ZFHX3: variants seen among roughly 807,000 people sequenced by gnomAD.
The protein encoded by ZFHX3 is zinc finger homeobox 3.
A neutral mutation model predicts 279.1 loss-of-function variants in ZFHX3; 42 were observed. The ratio of observed to expected loss-of-function variants is 0.15; its 90% CI spans 0.12 to 0.19. The LOEUF is 0.19. ZFHX3 is among the 10% of genes least tolerant of loss of function. ZFHX3 has a pLI of 1.00. For synonymous variants in ZFHX3, 2,293 were observed against 1,957.8 expected (o/e 1.17, Z -4.52); for missense variants, 4,981 against 4,754.0 (o/e 1.05, Z -1.40).
At chr16:73,484,159 C>A (rs969792151) in intron 2 of ZFHX3, among the ~76,000 whole-genome samples, 1 of 151,946 alleles carries the variant, frequency 6.6e-6, no homozygotes, top group Non-Finnish European at 1.5e-5. Flanking sequence ...CGCCCAGAGT[C>A]CTAGGTGAAG....
intron 3 of ZFHX3, among the ~76,000 whole-genome samples, chr16:73,352,451 T>G (rs1812269792): frequency 1.3e-5 from 2 of 150,366 alleles, no homozygotes; most frequent in African/African-American, 2.5e-5. Context: ...TGTCAAGCCT[T>G]TGGTTTCTCT....
At chr16:73,360,855 G>A (rs972587455) in intron 3 of ZFHX3, among the ~76,000 whole-genome samples, 2 of 152,116 alleles carry the variant, frequency 1.3e-5, no homozygotes, top group African/African-American at 4.8e-5. Flanking sequence ...TTGTGATTCT[G>A]GAGGGCCTCA....
At chr16:72,951,253 TA>T (rs1960983654) in intron 2 of ZFHX3, among the ~76,000 whole-genome samples, 1 of 152,140 alleles carries the variant, frequency 6.6e-6, no homozygotes, top group African/African-American at 2.4e-5. Context: ...GCCTCTTTAA[TA>T]TTTCCTTTTC....
intron 1 of ZFHX3, among the ~76,000 whole-genome samples, chr16:73,043,325 G>C (rs956772915): frequency 2.0e-5 from 3 of 152,158 alleles, no homozygotes; most frequent in African/African-American, 7.2e-5. Flanking sequence ...CACCCAAAAG[G>C]CAGATGAAGC....
At chr16:73,330,165 G>T (rs2015772824) in intron 3 of ZFHX3, among the ~76,000 whole-genome samples, 1 of 152,190 alleles carries the variant, frequency 6.6e-6, no homozygotes, top group Non-Finnish European at 1.5e-5. Flanking sequence ...CAGGATGGGG[G>T]AAGAGAGGAG....
intron 5 of ZFHX3, among the ~76,000 whole-genome samples, chr16:73,236,788 C>T (rs1367105291): frequency 6.6e-6 from 1 of 152,112 alleles, no homozygotes; most frequent in Non-Finnish European, 1.5e-5. Flanking sequence ...GTTCTTCTTA[C>T]CCATCCACAG....
In ZFHX3 at chr16:73,817,140, G is replaced by T. The variant is rs561496874; in HGVS notation, c.-1608+74511C>A. On this transcript the variant is annotated intron_variant, in intron 1 of 17. Transcript: ENST00000641206. Reference sequence around the variant, plus strand: ...GGCTTCCACCCTGGGTGACCACACAGCTGACCACTTCACATGCAGCCACGT... The same window carrying T: ...GGCTTCCACCCTGGGTGACCACACATCTGACCACTTCACATGCAGCCACGT... Among the ~76,000 whole-genome samples, 6 of 152,298 alleles carry T rather than the reference G, an allele frequency of 3.9e-5. No individual in the cohort carries two copies. The South Asian group carries it at 1.0e-3, about 26-fold the overall frequency.
intron 3 of ZFHX3, among the ~76,000 whole-genome samples, chr16:72,895,943 A>G (rs1597356069): frequency 6.6e-6 from 1 of 152,258 alleles, no homozygotes; most frequent in African/African-American, 2.4e-5. Context: ...AGACTGGATC[A>G]TAAGAACTGC....
At chr16:73,380,800 T>A (rs987274690) in intron 3 of ZFHX3, among the ~76,000 whole-genome samples, 3 of 152,112 alleles carry the variant, frequency 2.0e-5, no homozygotes, top group Non-Finnish European at 2.9e-5. Context: ...AGCCCAGGAG[T>A]TTGAGACCAG....
intron 3 of ZFHX3, among the ~76,000 whole-genome samples, chr16:72,894,148 CAAA>C (rs11340955): frequency 1.8e-4 from 22 of 124,790 alleles, no homozygotes; most frequent in South Asian, 5.3e-4. Flanking sequence ...AACTCTGTCT[CAAA>C]AAAAAAAAAA....
At chr16:73,666,527 C>T (rs2052844119) in intron 2 of ZFHX3, among the ~76,000 whole-genome samples, 1 of 151,764 alleles carries the variant, frequency 6.6e-6, no homozygotes. Flanking sequence ...CCATATGAAG[C>T]CTTGAAGTTT....
intron 7 of ZFHX3, among the ~76,000 whole-genome samples, chr16:72,810,427 C>G (rs2036410398): frequency 1.3e-5 from 2 of 152,202 alleles, no homozygotes; most frequent in South Asian, 4.1e-4. Context: ...CTCAGGTGTT[C>G]CACCTGCCTT....
intron 2 of ZFHX3, among the ~76,000 whole-genome samples, chr16:73,600,264 G>A (rs1475983295): frequency 6.6e-6 from 1 of 152,110 alleles, no homozygotes; most frequent in Non-Finnish European, 1.5e-5. Context: ...TCCCTGGGAA[G>A]AAATCATGAG....
intron 2 of ZFHX3, among the ~76,000 whole-genome samples, chr16:73,602,943 A>AG: frequency 6.6e-6 from 1 of 150,868 alleles, no homozygotes; most frequent in East Asian, 2.0e-4. Flanking sequence ...GACTCAAAAA[A>AG]AAAAAAAATC....
At position 72,796,158 on chromosome 16, in the gene ZFHX3, A is replaced by G; in HGVS notation, c.6524T>C (p.Ile2175Thr). The G allele has an allele frequency of 6.2e-7, 1 of 1,613,994 alleles. No homozygotes were observed. Among genetic ancestry groups the G allele is most frequent in the Non-Finnish European group, 8.5e-7 (1 of 1,179,992 alleles). The part of the protein sequence containing the change: ...DINNSPSEEQ[I>T]KEMADKSGLP... ...CCCGGACTTGTCTGCCATCTCTTTT[A>G]TTTGCTCTTCACTGGGGGAGTTGTT... is the stretch of plus-strand genomic sequence containing the variant. Residue 2175 changes from isoleucine to threonine, a missense_variant, in exon 9 of 10, where the codon ATA (isoleucine) becomes ACA (threonine). Physicochemically the swap from Ile to Thr is moderately conservative, Grantham distance 89. Around this residue, in one of 7 missense-constraint regions of ZFHX3, gnomAD observed 177 missense variants for 244.2 expected, o/e 0.72. Transcript: ENST00000268489.
intron 1 of ZFHX3, among the ~76,000 whole-genome samples, chr16:73,887,781 A>G (rs1341353758): frequency 2.0e-5 from 3 of 152,232 alleles, no homozygotes; most frequent in Non-Finnish European, 4.4e-5. Flanking sequence ...AACTTAAAAC[A>G]GCCCAAAATC....
At position 72,886,883 on chromosome 16, in the gene ZFHX3, C is replaced by T. The variant is rs117991673; in HGVS notation, c.3448+2848G>A. On this transcript the variant is annotated intron_variant, in intron 4 of 9. Coordinates refer to ENST00000268489, the MANE Select transcript of ZFHX3 (RefSeq NM_006885.4). ...CGTCCCTTACTCCTGAGAGTGCTCC[C>T]ATGTAGACGGATGGGATCAGAGGCA... Among the ~76,000 whole-genome samples, 38 of 152,328 alleles carry T rather than the reference C, an allele frequency of 2.5e-4. No individual in the cohort carries two copies. In the East Asian group the frequency reaches 6.6e-3, roughly 26 times the overall value.
At chr16:73,804,904 A>AGGGAGGGAG (rs1960234399) in intron 1 of ZFHX3, among the ~76,000 whole-genome samples, 1 of 30,074 alleles carries the variant, frequency 3.3e-5, no homozygotes, top group Non-Finnish European at 6.2e-5. Flanking sequence ...AGAGGGAGGG[A>AGGGAGGGAG]GGGAGGGAGG....
intron 4 of ZFHX3, among the ~76,000 whole-genome samples, chr16:72,842,240 C>T (rs2037361174): frequency 1.3e-5 from 2 of 151,028 alleles, no homozygotes; most frequent in Non-Finnish European, 2.9e-5. Context: ...TTTTTTGAGA[C>T]AAGGTCTTGC....
Sources: allele counts gnomAD v4.1 joint callset (sites outside exome capture counted in the v4.1 genomes callset), GRCh38; gene constraint gnomAD v4.1.1; regional missense constraint gnomAD v4.1.1; transcripts MANE v1.5; gene names NCBI Gene and HGNC (gene_info 2026-07-23, HGNC 2026-07-21).